ZBTB20: variants seen among roughly 807,000 people sequenced by gnomAD.
ZBTB20 encodes the protein zinc finger and BTB domain containing 20, also known as zinc finger and BTB domain-containing protein 20.
In ZBTB20, 9 loss-of-function variants were observed where a neutral mutation model predicts 56.9. The ratio of observed to expected loss-of-function variants is 0.16; its 90% CI spans 0.10 to 0.28. The LOEUF is 0.28. ZBTB20 is among the 10% of genes least tolerant of loss of function. The probability of loss-of-function intolerance (pLI) is 1.00; values close to 1 mark genes in which losing one functional copy is unlikely to be tolerated. For missense variants in ZBTB20, 655 were observed against 1,003.0 expected (o/e 0.65, Z 4.69); for synonymous variants, 417 against 420.7 (o/e 0.99, Z 0.11).
chr3:114,593,639 C>G (rs887580115), intron 6 of ZBTB20, among the ~76,000 whole-genome samples: 2 of 152,152 alleles, frequency 1.3e-5, no homozygotes, highest in African/African-American at 4.8e-5. Context: ...CCACCTTGGC[C>G]TCCCAAAGTG....
At chr3:114,420,546 G>A (rs1441542473) in intron 7 of ZBTB20, among the ~76,000 whole-genome samples, 3 of 152,086 alleles carry the variant, frequency 2.0e-5, no homozygotes, top group Non-Finnish European at 2.9e-5. Flanking sequence ...CTTGACTTTT[G>A]TCTGACTCTT....
At chr3:114,798,371 C>A (rs1256904688) in intron 5 of ZBTB20, among the ~76,000 whole-genome samples, 8 of 148,320 alleles carry the variant, frequency 5.4e-5, no homozygotes. Flanking sequence ...CACAAAAAAA[C>A]CTCTTTTGAT....
At chr3:115,044,115 A>G (rs1338197385) in intron 2 of ZBTB20, among the ~76,000 whole-genome samples, 1 of 152,180 alleles carries the variant, frequency 6.6e-6, no homozygotes, top group Non-Finnish European at 1.5e-5. Context: ...TGCTTCCTGT[A>G]CAGCCTGCAG....
intron 1 of ZBTB20, among the ~76,000 whole-genome samples, chr3:115,094,704 T>C (rs1256587981): frequency 1.3e-5 from 2 of 151,836 alleles, no homozygotes; most frequent in East Asian, 3.8e-4. Flanking sequence ...CAGAAAATTT[T>C]TGAAAAGGTA....
At chr3:114,937,855 TG>T (rs2107836470) in intron 3 of ZBTB20, among the ~76,000 whole-genome samples, 1 of 152,196 alleles carries the variant, frequency 6.6e-6, no homozygotes, top group South Asian at 2.1e-4. Flanking sequence ...CCCAGAACTT[TG>T]GGAGGCTGAG....
chr3:114,363,358 C>A (rs1024176363), intron 10 of ZBTB20, among the ~76,000 whole-genome samples: 2 of 152,128 alleles, frequency 1.3e-5, no homozygotes, highest in African/African-American at 4.8e-5. Flanking sequence ...GAAAAGAGAA[C>A]ACCAAATATC....
chr3:114,468,633 T>A (rs561976933), intron 7 of ZBTB20, among the ~76,000 whole-genome samples: 1 of 152,176 alleles, frequency 6.6e-6, no homozygotes, highest in Admixed American at 6.6e-5. Context: ...CAATCACCTA[T>A]TTTTGGACAT....
intron 4 of ZBTB20, chr3:114,876,490 C>T (rs1034130500): frequency 1.3e-5 from 2 of 152,188 alleles, no homozygotes; most frequent in Admixed American, 1.3e-4. Flanking sequence ...TTTATAATGC[C>T]TTAAAATTAA....
chr3:114,375,133 A>G (rs1477226887), intron 10 of ZBTB20, among the ~76,000 whole-genome samples: 1 of 152,272 alleles, frequency 6.6e-6, no homozygotes, highest in Non-Finnish European at 1.5e-5. Flanking sequence ...AGGAGACAGA[A>G]TGAACGGATA....
At chr3:114,732,708 C>A (rs1446190333) in intron 5 of ZBTB20, among the ~76,000 whole-genome samples, 1 of 152,154 alleles carries the variant, frequency 6.6e-6, no homozygotes. Flanking sequence ...TTCTCTGAGG[C>A]ATGCACATAG....
intron 6 of ZBTB20, among the ~76,000 whole-genome samples, chr3:114,535,286 C>T (rs1367143214): frequency 6.6e-6 from 1 of 151,934 alleles, no homozygotes; most frequent in Non-Finnish European, 1.5e-5. Flanking sequence ...CAAATAGACA[C>T]AATAAAAAAT....
At chr3:115,138,776 T>C (rs1360138392) in intron 1 of ZBTB20, among the ~76,000 whole-genome samples, 2 of 152,210 alleles carry the variant, frequency 1.3e-5, no homozygotes, top group Non-Finnish European at 2.9e-5. Flanking sequence ...TCTCAGTAAA[T>C]GTTGGCTACT....
intron 2 of ZBTB20, among the ~76,000 whole-genome samples, chr3:115,021,234 T>C (rs1008431257): frequency 1.3e-5 from 2 of 150,978 alleles, no homozygotes; most frequent in African/African-American, 4.8e-5. Context: ...CAAAGAACTT[T>C]ATGTTTGAAT....
chr3:114,874,864 C>T (rs74395469), intron 4 of ZBTB20, among the ~76,000 whole-genome samples: 3,571 of 152,188 alleles, frequency 0.023, 51 homozygotes, highest in South Asian at 0.051. Context: ...ACTCTGTTTC[C>T]TTCCCTCTAC....
At position 114,914,830 on chromosome 3, in the gene ZBTB20, T is replaced by C. The variant is rs370150384; in HGVS notation, c.-455-14488A>G. Reference sequence around the variant, plus strand: ...TTTCCAGCATCAACTGAAATAATCATATGGTTCTTGTCCTTCATTCTGTTG... The same window carrying C: ...TTTCCAGCATCAACTGAAATAATCACATGGTTCTTGTCCTTCATTCTGTTG... On this transcript the variant is annotated intron_variant, in intron 3 of 11. Transcript: ENST00000675478. 4.4e-4 allele frequency among the ~76,000 whole-genome samples: 67 copies of C among 151,946 alleles called. No individual in the cohort carries two copies. The South Asian group carries it at 9.8e-3, about 22-fold the overall frequency.
intron 6 of ZBTB20, among the ~76,000 whole-genome samples, chr3:114,651,304 C>T (rs2060115599): frequency 6.6e-6 from 1 of 151,874 alleles, no homozygotes; most frequent in Non-Finnish European, 1.5e-5. Flanking sequence ...GACCTGATGG[C>T]ACTTAAGAAA....
intron 1 of ZBTB20, among the ~76,000 whole-genome samples, chr3:115,082,685 A>T (rs2108545438): frequency 6.6e-6 from 1 of 152,230 alleles, no homozygotes; most frequent in South Asian, 2.1e-4. Context: ...AACAATTTAA[A>T]ATGATAAAAC....
chr3:114,953,122 A>G (rs943575599), intron 3 of ZBTB20, among the ~76,000 whole-genome samples: 1 of 152,098 alleles, frequency 6.6e-6, no homozygotes, highest in Non-Finnish European at 1.5e-5. Flanking sequence ...AGATTTCTAC[A>G]TTCTATTTAA....
chr3:114,566,732 C>T (rs1409496644), intron 6 of ZBTB20, among the ~76,000 whole-genome samples: 1 of 152,222 alleles, frequency 6.6e-6, no homozygotes, highest in Non-Finnish European at 1.5e-5. Flanking sequence ...GTTCTTCAAT[C>T]ACACAGTTCC....
Sources: gnomAD v4.1 joint callset for allele counts (sites outside exome capture counted in the v4.1 genomes callset) on GRCh38, gnomAD v4.1.1 for gene constraint, MANE v1.5 for transcripts, NCBI Gene and HGNC (gene_info 2026-07-23, HGNC 2026-07-21) for gene names.